SMAD4: variants seen among roughly 807,000 people sequenced by gnomAD.
The protein encoded by SMAD4 is MAD homolog 4.
In SMAD4, 7 loss-of-function variants were observed where a neutral mutation model predicts 63.2. The ratio of observed to expected loss-of-function variants is 0.11; its 90% CI spans 0.06 to 0.21. SMAD4 has a LOEUF of 0.21. Ranked by LOEUF, SMAD4 falls within the 10% of genes least tolerant of loss-of-function variation. The pLI is 1.00. For missense variants in SMAD4, 312 were observed against 693.8 expected, an observed-to-expected ratio of 0.45 and a Z score of 6.18; for synonymous variants, 215 against 235.4, an observed-to-expected ratio of 0.91 and a Z score of 0.79.
intron 4 of SMAD4, chr18:51,051,408 A>C (rs1334237742): frequency 2.2e-6 from 1 of 455,950 alleles, no homozygotes; most frequent in Non-Finnish European, 4.4e-6. Context: ...GGAATGATAC[A>C]AGAGCAGGTA....
At chr18:51,077,186 A>G (rs1268293258) in intron 11 of SMAD4, 1 of 156,752 alleles carries the variant, frequency 6.4e-6, no homozygotes, top group East Asian at 1.9e-4. Context: ...AAAGTATGCT[A>G]AACATGGAGA....
chr18:51,061,913 A>C (rs944776254), intron 8 of SMAD4, among the ~76,000 whole-genome samples: 3 of 152,214 alleles, frequency 2.0e-5, no homozygotes, highest in South Asian at 4.1e-4. Context: ...TGTTTAAAAA[A>C]ATAGAAGGGA....
chr18:51,078,129 T>C, intron 11 of SMAD4, 127 bp from the exon 12 acceptor site: 3 of 805,704 alleles, frequency 3.7e-6, no homozygotes, highest in East Asian at 5.3e-5. Context: ...CTTGGCACTT[T>C]AGCAGAGAAG....
intron 1 of SMAD4, among the ~76,000 whole-genome samples, chr18:51,039,624 C>T (rs1361055098): frequency 1.3e-5 from 2 of 151,900 alleles, no homozygotes; most frequent in Admixed American, 6.6e-5. Context: ...AATTGTCCCA[C>T]CTGGCCAGAT....
chr18:51,042,336 CCTCT>C (rs1195832166), intron 1 of SMAD4, among the ~76,000 whole-genome samples: 5 of 117,514 alleles, frequency 4.3e-5, no homozygotes, highest in Admixed American at 4.1e-4. Flanking sequence ...TCCCTCTCTC[CCTCT>C]CTCTTTCTCT....
In SMAD4 at chr18:51,077,033, T is replaced by C. The variant is rs2298617; in HGVS notation, c.1447+257T>C. ...GGATGATTATTATATTATACTGTTCTATCTCCTCCTTTTTTGTTGATGCTT... is the reference window on the plus strand; with the variant it reads ...GGATGATTATTATATTATACTGTTCCATCTCCTCCTTTTTTGTTGATGCTT... On this transcript the variant is annotated intron_variant, in intron 11 of 11. Transcript: ENST00000342988. The C allele has an allele frequency of 0.4, 112,040 of 280,490 alleles. 22,081 individuals carry two copies. The highest frequency in any genetic ancestry group is 0.48 in the East Asian group (7,927 of 16,346). The allele number at this position is 280,490 out of a possible 1,614,324, so 17.4% of individuals were successfully genotyped here.
intron 5 of SMAD4, among the ~76,000 whole-genome samples, chr18:51,057,913 C>T (rs1016411582): frequency 2.0e-5 from 3 of 152,156 alleles, no homozygotes; most frequent in Non-Finnish European, 4.4e-5. Context: ...TTAGACATTA[C>T]CTAAAATGGA....
Position 51,078,440 on chromosome 18 carries a change from G to A in SMAD4, c.1632G>A (p.Pro544=), listed in dbSNP as rs549489716. The change falls in exon 12 of 12, where the codon CCG becomes CCA. Residue 544 remains proline (P), a synonymous_variant. Coordinates refer to ENST00000342988, the MANE Select transcript of SMAD4 (RefSeq NM_005359.6). ...TAGACGAAGTACTTCATACCATGCC[G>A]ATTGCAGACCCACAACCTTTAGACT... The part of the protein sequence containing the change: ...QLLDEVLHTM[P]IADPQPLD 2.2e-5 allele frequency: 35 copies of A among 1,614,118 alleles called. No homozygotes were observed. The Middle Eastern group carries it at 8.2e-4, about 38-fold the overall frequency.
At chr18:51,059,217 T>C (rs768401935) in intron 7 of SMAD4, among the ~76,000 whole-genome samples, 3 of 152,234 alleles carry the variant, frequency 2.0e-5, no homozygotes, top group Non-Finnish European at 4.4e-5. Context: ...TACTATTTTT[T>C]CCATTTCTTA....
intron 10 of SMAD4, among the ~76,000 whole-genome samples, chr18:51,070,010 C>T (rs957770830): frequency 5.3e-5 from 8 of 152,090 alleles, no homozygotes; most frequent in African/African-American, 1.9e-4. Flanking sequence ...GAGAGGATGA[C>T]TATTTTAAAT....
intron 1 of SMAD4, among the ~76,000 whole-genome samples, chr18:51,031,826 C>T (rs868784781): frequency 2.6e-5 from 4 of 151,570 alleles, no homozygotes; most frequent in Admixed American, 6.6e-5. Context: ...TTACTTTTGC[C>T]ATACCCTGCA....
intron 1 of SMAD4, among the ~76,000 whole-genome samples, chr18:51,032,506 TCTTA>T (rs1278860806): frequency 1.3e-5 from 2 of 152,224 alleles, no homozygotes; most frequent in African/African-American, 2.4e-5. Flanking sequence ...AAGCAGCAAA[TCTTA>T]CTTTTAAAAA....
chr18:51,042,443 C>T (rs979758626), intron 1 of SMAD4, among the ~76,000 whole-genome samples: 1 of 151,966 alleles, frequency 6.6e-6, no homozygotes, highest in African/African-American at 2.4e-5. Flanking sequence ...GTGATCTTGG[C>T]TCACTGCAAC....
chr18:51,058,204 G>A lies in SMAD4; in HGVS notation c.747G>A (p.Gln249=), dbSNP rs372095620. ...CATCAGGGCCTCAGCCAGGACAGCA[G>A]CAGAATGGATTTACTGGTCAGCCAG... The part of the protein sequence containing the change: ...QIASGPQPGQ[Q]QNGFTGQPAT... The change falls in exon 6 of 12, where the codon CAG becomes CAA. Residue 249 remains glutamine (Q), a synonymous_variant. Coordinates refer to ENST00000342988, the MANE Select transcript of SMAD4 (RefSeq NM_005359.6). 1 of 1,614,196 alleles carries A rather than the reference G, an allele frequency of 6.2e-7. No homozygotes were observed. The highest frequency in any genetic ancestry group is 1.3e-5 in the African/African-American group (1 of 75,056).
chr18:51,069,235 G>A (rs889723022), intron 10 of SMAD4, among the ~76,000 whole-genome samples: 9 of 152,122 alleles, frequency 5.9e-5, no homozygotes, highest in Admixed American at 5.2e-4. Context: ...TCATGCCTTA[G>A]CCTCTCCGGT....
At position 51,083,937 on chromosome 18, in the gene SMAD4, C is replaced by T. The variant is rs1032710119; in HGVS notation, c.*5470C>T. The stretch of plus-strand genomic sequence containing the variant: ...AAGGTTACATAGTATGCCCTTAAGA[C>T]TTAATTTTAACCAAAGGCCTAGCAC... On this transcript the variant is annotated 3_prime_UTR_variant, in exon 12 of 12. Transcript: ENST00000342988. The T allele has an allele frequency of 4.4e-6, 1 of 228,680 alleles. No homozygotes were observed. The highest frequency in any genetic ancestry group is 2.2e-5 in the African/African-American group (1 of 44,940). The allele number at this position is 228,680 out of a possible 1,614,324, so 14.2% of individuals were successfully genotyped here. A position where few individuals can be genotyped will look rare whatever the true frequency, so the allele number is the denominator to read the frequency against.
At chr18:51,063,676 G>A (rs1271705067) in intron 8 of SMAD4, among the ~76,000 whole-genome samples, 1 of 152,146 alleles carries the variant, frequency 6.6e-6, no homozygotes, top group East Asian at 1.9e-4. Flanking sequence ...GCCTCCCAAA[G>A]TGCTGGGATT....
intron 2 of SMAD4, among the ~76,000 whole-genome samples, chr18:51,047,604 T>C (rs920098064): frequency 4.6e-5 from 7 of 151,938 alleles, no homozygotes; most frequent in African/African-American, 1.4e-4. Context: ...TGTAGCCTGT[T>C]GTTTTCTTTT....
chr18:51,055,070 G>A, intron 5 of SMAD4, 77 bp downstream of exon 5: 1 of 1,060,710 alleles, frequency 9.4e-7, no homozygotes, highest in Non-Finnish European at 1.5e-6. Context: ...TCACTTGGGG[G>A]GAAACTCCAA....
Sources: allele counts gnomAD v4.1 joint callset (sites outside exome capture counted in the v4.1 genomes callset), GRCh38; gene constraint gnomAD v4.1.1; transcripts MANE v1.5; gene names NCBI Gene and HGNC (gene_info 2026-07-23, HGNC 2026-07-21).